The following NT5DC1 variants were observed in gnomAD, a reference collection of about 807,000 sequenced individuals.
The protein encoded by NT5DC1 is 5'-nucleotidase domain-containing protein 1.
In NT5DC1, 42 loss-of-function variants were observed where a neutral mutation model predicts 59.4. That is an observed-to-expected ratio of 0.71 (90% confidence interval 0.55 to 0.92). The LOEUF (loss-of-function observed/expected upper bound fraction) is 0.92, where lower values mean the gene tolerates loss of function less well. Among genes scored for constraint, NT5DC1 ranks in the 40% least tolerant of loss-of-function variants. The probability of loss-of-function intolerance (pLI) is 0.00; values close to 1 mark genes in which losing one functional copy is unlikely to be tolerated. For missense variants in NT5DC1, 501 were observed against 537.1 expected, an observed-to-expected ratio of 0.93 and a Z score of 0.66; for synonymous variants, 172 against 188.1, an observed-to-expected ratio of 0.91 and a Z score of 0.70.
rs992961423 is a variant in NT5DC1 at position 116,107,536 on chromosome 6, T to G, written c.186-828T>G. Among the ~76,000 whole-genome samples, 41 of 139,358 alleles carry G rather than the reference T, an allele frequency of 2.9e-4. No homozygotes were observed. In the East Asian group the frequency reaches 4.3e-3, roughly 14 times the overall value. The allele number at this position is 139,358 out of a possible 152,430, so 91.4% of individuals were successfully genotyped here. A position where few individuals can be genotyped will look rare whatever the true frequency, so the allele number is the denominator to read the frequency against. On this transcript the variant is annotated intron_variant, in intron 2 of 11. Transcript: ENST00000319550. ...CAGTATTTGACTTTCTTTTAGTGGTTTTCTTTTTATTTTATTTTATTTTAT... is the reference window on the plus strand; with the variant it reads ...CAGTATTTGACTTTCTTTTAGTGGTGTTCTTTTTATTTTATTTTATTTTAT...
chr6:116,139,487 A>AT (rs1779709167), intron 6 of NT5DC1, among the ~76,000 whole-genome samples: 1 of 152,156 alleles, frequency 6.6e-6, no homozygotes, highest in South Asian at 2.1e-4. Context: ...GTACATTTTA[A>AT]TACACATTGT....
intron 6 of NT5DC1, among the ~76,000 whole-genome samples, chr6:116,142,349 A>C (rs894591184): frequency 5.9e-5 from 9 of 152,126 alleles, no homozygotes; most frequent in African/African-American, 2.2e-4. Context: ...GTTGTAAAAA[A>C]AAATTAATAA....
chr6:116,202,003 G>A (rs1029389658), intron 6 of NT5DC1, among the ~76,000 whole-genome samples: 4 of 152,000 alleles, frequency 2.6e-5, no homozygotes, highest in African/African-American at 7.2e-5. Flanking sequence ...ACTTCCTGGA[G>A]TGAAGAAATA....
chr6:116,188,555 T>C (rs990958250), intron 6 of NT5DC1, among the ~76,000 whole-genome samples: 2 of 152,000 alleles, frequency 1.3e-5, no homozygotes, highest in Admixed American at 6.6e-5. Context: ...TATTCTATGG[T>C]TGCATTTATA....
intron 1 of NT5DC1, among the ~76,000 whole-genome samples, chr6:116,102,171 A>G (rs1358581235): frequency 6.6e-6 from 1 of 152,240 alleles, no homozygotes; most frequent in African/African-American, 2.4e-5. Flanking sequence ...GTAGAACTCT[A>G]GATCACTGGT....
chr6:116,197,032 C>T (rs117525307), intron 6 of NT5DC1, among the ~76,000 whole-genome samples: 2,148 of 151,798 alleles, frequency 0.014, 22 homozygotes, highest in South Asian at 0.026. Context: ...CATTCTTCTA[C>T]AGCTGTGTGT....
intron 6 of NT5DC1, among the ~76,000 whole-genome samples, chr6:116,187,224 T>C (rs563732696): frequency 5.3e-5 from 8 of 152,002 alleles, no homozygotes; most frequent in Non-Finnish European, 8.8e-5. Context: ...TGTATTCAGG[T>C]CTCTTAGCTG....
At chr6:116,174,505 A>G (rs1223057023) in intron 6 of NT5DC1, among the ~76,000 whole-genome samples, 3 of 152,228 alleles carry the variant, frequency 2.0e-5, no homozygotes, top group African/African-American at 7.2e-5. Flanking sequence ...TCACCACTGA[A>G]TATAAAATTT....
At chr6:116,229,215 T>C (rs576804535) in intron 8 of NT5DC1, among the ~76,000 whole-genome samples, 1 of 152,194 alleles carries the variant, frequency 6.6e-6, no homozygotes, top group Non-Finnish European at 1.5e-5. Flanking sequence ...AAAAAATCAG[T>C]CATCCTCATT....
intron 6 of NT5DC1, among the ~76,000 whole-genome samples, chr6:116,124,807 C>T (rs1410965005): frequency 6.6e-6 from 1 of 152,136 alleles, no homozygotes; most frequent in African/African-American, 2.4e-5. Flanking sequence ...ATTGCAGTTT[C>T]ATTTGCCTGC....
At position 116,248,741 on chromosome 6, in the gene NT5DC1, G is replaced by C. The variant is rs918568832; in HGVS notation, c.*4717G>C. On this transcript the variant is annotated 3_prime_UTR_variant, in exon 12 of 12. Coordinates refer to ENST00000319550, the MANE Select transcript of NT5DC1 (RefSeq NM_152729.3). ...CAGAGGATGGGAGAACTTCTTAACT[G>C]GTTTGGAGGTCCACATAAAGAATAA... 1 of 152,238 alleles carries C rather than the reference G, an allele frequency of 6.6e-6. No individual in the cohort carries two copies. The highest frequency in any genetic ancestry group is 1.5e-5 in the Non-Finnish European group (1 of 68,084). The allele number at this position is 152,238 out of a possible 1,614,324, so 9.4% of individuals were successfully genotyped here.
chr6:116,146,065 G>A (rs1223645670), intron 6 of NT5DC1, among the ~76,000 whole-genome samples: 1 of 152,164 alleles, frequency 6.6e-6, no homozygotes, highest in Non-Finnish European at 1.5e-5. Context: ...ACATATGCAC[G>A]GTTACCAGCC....
chr6:116,159,096 T>C (rs892907033), intron 6 of NT5DC1, among the ~76,000 whole-genome samples: 2 of 152,206 alleles, frequency 1.3e-5, no homozygotes, highest in African/African-American at 4.8e-5. Context: ...ACTTACTAAC[T>C]AGCAATGTTA....
rs1341461459 is a variant in NT5DC1, at chr6:116,246,426, A to T, written c.*2402A>T. The T allele has an allele frequency of 6.6e-6, 1 of 151,416 alleles. No homozygotes were observed. Among genetic ancestry groups the T allele is most frequent in the African/African-American group, 2.4e-5 (1 of 41,200 alleles). The allele number at this position is 151,416 out of a possible 1,614,324, so 9.4% of individuals were successfully genotyped here. ...GTTAAACTCTAAACTGAAATCAAGT[A>T]TTATTTCCCCACCAATATTCATATC... is the stretch of plus-strand genomic sequence containing the variant. On this transcript the variant is annotated 3_prime_UTR_variant, in exon 12 of 12. Transcript: ENST00000319550.
intron 6 of NT5DC1, among the ~76,000 whole-genome samples, chr6:116,203,706 T>A (rs1288762975): frequency 4.6e-5 from 7 of 151,968 alleles, no homozygotes; most frequent in Non-Finnish European, 8.8e-5. Flanking sequence ...TTTTCATGCC[T>A]ATTTACATGT....
At chr6:116,163,725 C>A (rs1368505005) in intron 6 of NT5DC1, among the ~76,000 whole-genome samples, 1 of 152,014 alleles carries the variant, frequency 6.6e-6, no homozygotes, top group East Asian at 1.9e-4. Flanking sequence ...AATTTGAGAT[C>A]TATCTTTTTG....
chr6:116,139,259 A>C (rs1779703973), intron 6 of NT5DC1, among the ~76,000 whole-genome samples: 1 of 152,174 alleles, frequency 6.6e-6, no homozygotes, highest in South Asian at 2.1e-4. Flanking sequence ...TCAGTCTACT[A>C]GTAACAATTT....
At chr6:116,138,219 T>C (rs1779662063) in intron 6 of NT5DC1, among the ~76,000 whole-genome samples, 1 of 152,204 alleles carries the variant, frequency 6.6e-6, no homozygotes, top group Middle Eastern at 3.2e-3. Context: ...CTATTATTAT[T>C]CTCATCTTTA....
At chr6:116,132,138 G>A (rs746706077) in intron 6 of NT5DC1, among the ~76,000 whole-genome samples, 125 of 152,240 alleles carry the variant, frequency 8.2e-4, no homozygotes, top group Non-Finnish European at 1.7e-3. Flanking sequence ...ATAACTTTGT[G>A]TGTGGGTGTA....
Sources: gnomAD v4.1 joint callset for allele counts (sites outside exome capture counted in the v4.1 genomes callset) on GRCh38, gnomAD v4.1.1 for gene constraint, MANE v1.5 for transcripts, NCBI Gene and HGNC (gene_info 2026-07-23, HGNC 2026-07-21) for gene names.